The following NSMAF variants were observed in gnomAD, a reference collection of about 807,000 sequenced individuals.
NSMAF encodes the protein protein FAN.
In NSMAF, 90 loss-of-function variants were observed where a neutral mutation model predicts 134.9. That is an observed-to-expected ratio of 0.67 (90% CI 0.56 to 0.79). The LOEUF is 0.79. Among genes scored for constraint, NSMAF ranks in the 30% least tolerant of loss-of-function variants. The pLI is 0.00. For missense variants in NSMAF, 1,010 were observed against 1,119.0 expected (o/e 0.90, Z 1.39); for synonymous variants, 358 against 389.6 (o/e 0.92, Z 0.96).
At chr8:58,638,806 G>GA (rs1281584737) in intron 2 of NSMAF, among the ~76,000 whole-genome samples, 3 of 152,062 alleles carry the variant, frequency 2.0e-5, no homozygotes, top group African/African-American at 7.2e-5. Context: ...TGTGCATCAA[G>GA]AAAAATAATT....
At chr8:58,621,738 C>T (rs1324372274) in intron 9 of NSMAF, among the ~76,000 whole-genome samples, 1 of 152,070 alleles carries the variant, frequency 6.6e-6, no homozygotes, top group Non-Finnish European at 1.5e-5. Context: ...TGATTAGTGG[C>T]ATTGAGCATT....
rs764960709 is a variant in NSMAF, at chr8:58,659,169, G to C, written c.59+404C>G. On this transcript the variant is annotated intron_variant, in intron 1 of 30. Coordinates refer to ENST00000038176, the MANE Select transcript of NSMAF (RefSeq NM_003580.4). ...CGATTAAGGGGAAGGATTAGAAAGG[G>C]GGTGCCCGCCGGGCAGCGTACTCAC... 3.0e-5 allele frequency: 43 copies of C among 1,412,814 alleles called. No homozygotes were observed. The South Asian group carries it at 6.1e-4, about 20-fold the overall frequency. 87.5% of individuals were successfully genotyped at this position (1,412,814 alleles called of 1,614,324 possible). A position where few individuals can be genotyped will look rare whatever the true frequency, so the allele number is the denominator to read the frequency against.
intron 2 of NSMAF, among the ~76,000 whole-genome samples, chr8:58,636,223 G>A (rs1807170621): frequency 6.6e-6 from 1 of 152,026 alleles, no homozygotes; most frequent in African/African-American, 2.4e-5. Flanking sequence ...GTCAATATGT[G>A]GTCACTCTTG....
intron 1 of NSMAF, among the ~76,000 whole-genome samples, chr8:58,644,704 T>A (rs1807404095): frequency 6.6e-6 from 1 of 152,148 alleles, no homozygotes. Flanking sequence ...AGCAAAGACT[T>A]GGAACCAACC....
chr8:58,622,445 G>A (rs1469484747), intron 9 of NSMAF, among the ~76,000 whole-genome samples: 1 of 151,818 alleles, frequency 6.6e-6, no homozygotes. Context: ...CCGAGCTGGA[G>A]TGCAGTGGCA....
At position 58,584,030 on chromosome 8, in the gene NSMAF, A is replaced by G. The variant is rs1432658834; in HGVS notation, c.*76T>C. The G allele has an allele frequency of 3.6e-6, 4 of 1,117,164 alleles. No individual in the cohort carries two copies. The East Asian group carries it at 7.1e-5, about 20-fold the overall frequency. The allele number at this position is 1,117,164 out of a possible 1,614,324, so 69.2% of individuals were successfully genotyped here. ...TTCTAATTACTAACATTGCACATTCACCAGTCCGTTTAAAAGTTTGGTTTA... is the reference window on the plus strand; with the variant it reads ...TTCTAATTACTAACATTGCACATTCGCCAGTCCGTTTAAAAGTTTGGTTTA... On this transcript the variant is annotated 3_prime_UTR_variant, in exon 31 of 31. Coordinates refer to ENST00000038176, the MANE Select transcript of NSMAF (RefSeq NM_003580.4).
rs187686977 is a variant in NSMAF at position 58,624,235 on chromosome 8, C to T, written c.385-455G>A. On this transcript the variant is annotated intron_variant, in intron 6 of 30. Coordinates refer to ENST00000038176, the MANE Select transcript of NSMAF (RefSeq NM_003580.4). ...TTTTGTATTTTTAGTAGAGACAGGG[C>T]GGGGTTTCACCATGTTGGCCAGGCT... Among the ~76,000 whole-genome samples, 15 of 151,550 alleles carry T rather than the reference C, an allele frequency of 9.9e-5. No homozygotes were observed. The East Asian group carries it at 2.3e-3, about 24-fold the overall frequency.
Position 58,586,610 on chromosome 8 carries a change from T to A in NSMAF, c.2296-2A>T. 6.2e-7 allele frequency: 1 copy of A among 1,608,476 alleles called. No individual in the cohort carries two copies. Among genetic ancestry groups the A allele is most frequent in the South Asian group, 1.1e-5 (1 of 90,174 alleles). ...AGCATTTAAACTGATTGTATCTACC[T>A]AAGGAAGAAAACACATTGATACATA... On this transcript the variant is annotated splice_acceptor_variant, in intron 27 of 30. Coordinates refer to ENST00000038176, the MANE Select transcript of NSMAF (RefSeq NM_003580.4). LOFTEE classifies it high-confidence loss of function.
intron 1 of NSMAF, among the ~76,000 whole-genome samples, chr8:58,652,706 C>A (rs887181554): frequency 6.6e-6 from 1 of 152,206 alleles, no homozygotes; most frequent in African/African-American, 2.4e-5. Context: ...CACCCCAGAG[C>A]ACTCCAGCAA....
intron 5 of NSMAF, among the ~76,000 whole-genome samples, chr8:58,631,918 T>C (rs565121774): frequency 6.6e-6 from 1 of 152,270 alleles, no homozygotes; most frequent in South Asian, 2.1e-4. Flanking sequence ...AGGAAATATG[T>C]TCACTAACAT....
At position 58,586,486 on chromosome 8, in the gene NSMAF, C is replaced by T; in HGVS notation, c.2418G>A (p.Gly806=). The change falls in exon 28 of 31, where the codon GGG becomes GGA. Residue 806 remains glycine (G), a synonymous_variant. Transcript: ENST00000038176. The part of the protein sequence containing the change: ...TLMHQIPCHS[G]IVCDTAFSPD... Reference sequence around the variant, plus strand: ...GGCTAAAAGCAGTGTCACATACAATCCCTGAATGGCATGGAATCTGGTGCA... The same window carrying T: ...GGCTAAAAGCAGTGTCACATACAATTCCTGAATGGCATGGAATCTGGTGCA... 6.2e-7 allele frequency: 1 copy of T among 1,613,972 alleles called. No individual in the cohort carries two copies. Among genetic ancestry groups the T allele is most frequent in the Non-Finnish European group, 8.5e-7 (1 of 1,179,946 alleles).
intron 16 of NSMAF, among the ~76,000 whole-genome samples, chr8:58,600,615 C>CT (rs1806257440): frequency 1.0e-5 from 1 of 97,410 alleles, no homozygotes; most frequent in Non-Finnish European, 1.8e-5. Flanking sequence ...GAGCAAGACT[C>CT]TGTCTCAAAA....
intron 1 of NSMAF, among the ~76,000 whole-genome samples, chr8:58,652,532 A>G (rs1807609544): frequency 6.6e-6 from 1 of 152,192 alleles, no homozygotes; most frequent in Non-Finnish European, 1.5e-5. Flanking sequence ...GAGTGAGCCA[A>G]GGTTCCATCA....
At chr8:58,642,726 C>T (rs1807364639) in intron 2 of NSMAF, among the ~76,000 whole-genome samples, 2 of 152,094 alleles carry the variant, frequency 1.3e-5, no homozygotes, top group Admixed American at 6.6e-5. Context: ...CTTTTAAATA[C>T]ACTCTTCTCA....
At chr8:58,607,414 C>T (rs1322383580) in intron 11 of NSMAF, among the ~76,000 whole-genome samples, 3 of 152,286 alleles carry the variant, frequency 2.0e-5, no homozygotes, top group East Asian at 3.9e-4. Flanking sequence ...TGCTTTGAGA[C>T]CTAGCTGCTA....
rs768465252 is a variant in NSMAF, at chr8:58,602,154, A to G, written c.1046-17T>C. ...TTGACAAATCTATAAACATAAATCA[A>G]TAAATAACTTCAGCTTATACTTAGT... On this transcript the variant is annotated splice_polypyrimidine_tract_variant and intron_variant, in intron 13 of 30. Coordinates refer to ENST00000038176, the MANE Select transcript of NSMAF (RefSeq NM_003580.4). 1.3e-4 allele frequency: 212 copies of G among 1,591,014 alleles called. No individual in the cohort carries two copies. The highest frequency in any genetic ancestry group is 2.5e-4 in the Admixed American group (15 of 59,760).
chr8:58,626,633 A>G (rs957702955), intron 6 of NSMAF, among the ~76,000 whole-genome samples: 1 of 152,178 alleles, frequency 6.6e-6, no homozygotes, highest in South Asian at 2.1e-4. Flanking sequence ...TGTTGGTTTC[A>G]TATTTTTGCA....
intron 22 of NSMAF, among the ~76,000 whole-genome samples, chr8:58,595,036 G>T (rs1806105063): frequency 6.6e-6 from 1 of 152,178 alleles, no homozygotes; most frequent in Non-Finnish European, 1.5e-5. Flanking sequence ...GAACATGAAG[G>T]TCTTAATGAG....
At chr8:58,610,513 G>T (rs558933971) in intron 9 of NSMAF, among the ~76,000 whole-genome samples, 1 of 152,306 alleles carries the variant, frequency 6.6e-6, no homozygotes, top group East Asian at 1.9e-4. Flanking sequence ...CAACCAAAAT[G>T]AGCTGGATAT....
Sources: gnomAD v4.1 joint callset for allele counts (sites outside exome capture counted in the v4.1 genomes callset) on GRCh38, gnomAD v4.1.1 for gene constraint, MANE v1.5 for transcripts, NCBI Gene and HGNC (gene_info 2026-07-23, HGNC 2026-07-21) for gene names.